The following RFX8 variants were observed in gnomAD, a reference collection of about 807,000 sequenced individuals.
RFX8 encodes the protein regulatory factor X8, also known as DNA-binding protein RFX8.
In RFX8, 46 loss-of-function variants were observed where a neutral mutation model predicts 54.6. That is an observed-to-expected ratio of 0.84 (90% CI 0.67 to 1.08). RFX8 has a LOEUF of 1.08. Ranked by LOEUF, RFX8 falls within the 50% of genes least tolerant of loss-of-function variation. The pLI is 0.00. For missense variants in RFX8, 536 were observed against 562.3 expected, an observed-to-expected ratio of 0.95 and a Z score of 0.47; for synonymous variants, 192 against 209.5, an observed-to-expected ratio of 0.92 and a Z score of 0.72.
At chr2:101,464,402 C>T (rs1689459701) in intron 2 of RFX8, among the ~76,000 whole-genome samples, 1 of 152,160 alleles carries the variant, frequency 6.6e-6, no homozygotes, top group African/African-American at 2.4e-5. Flanking sequence ...CATCACATGC[C>T]CAGTACCGCC....
chr2:101,458,047 G>A (rs7601191), intron 2 of RFX8, among the ~76,000 whole-genome samples: 52,457 of 151,172 alleles, frequency 0.35, 9,728 homozygotes, highest in African/African-American at 0.45. Context: ...CTTTTTTTTC[G>A]CTTTGCATTT....
At chr2:101,398,278 T>C (rs1685236590) in intron 11 of RFX8, among the ~76,000 whole-genome samples, 1 of 152,170 alleles carries the variant, frequency 6.6e-6, no homozygotes, top group African/African-American at 2.4e-5. Context: ...ATGGGCTCTC[T>C]TTAGGGAAAG....
chr2:101,444,603 C>T (rs998990645), intron 2 of RFX8, among the ~76,000 whole-genome samples: 6 of 152,086 alleles, frequency 3.9e-5, no homozygotes, highest in Non-Finnish European at 7.4e-5. Context: ...TAAAAATGCT[C>T]CAACAAATAA....
At chr2:101,435,829 A>AT (rs544041542) in intron 2 of RFX8, among the ~76,000 whole-genome samples, 13 of 62,038 alleles carry the variant, frequency 2.1e-4, no homozygotes, top group African/African-American at 5.0e-4. Flanking sequence ...GGTCATTTTC[A>AT]TTTAAAAAAA....
chr2:101,470,575 A>G (rs1489238908), intron 1 of RFX8, among the ~76,000 whole-genome samples: 2 of 152,180 alleles, frequency 1.3e-5, no homozygotes, highest in Non-Finnish European at 2.9e-5. Flanking sequence ...TGGTCTTGCC[A>G]TCAGACAAGG....
chr2:101,436,055 C>A (rs1687766143), intron 2 of RFX8, among the ~76,000 whole-genome samples: 1 of 152,258 alleles, frequency 6.6e-6, no homozygotes, highest in Admixed American at 6.5e-5. Flanking sequence ...GACCCCCCTG[C>A]TGCATCTGTG....
At chr2:101,419,508 C>T (rs896756371) in intron 4 of RFX8, among the ~76,000 whole-genome samples, 1 of 152,224 alleles carries the variant, frequency 6.6e-6, no homozygotes, top group African/African-American at 2.4e-5. Flanking sequence ...ATCAAAATGG[C>T]GGCTCCTCTT....
chr2:101,450,681 C>A (rs907291359), intron 2 of RFX8: 2 of 1,457,426 alleles, frequency 1.4e-6, no homozygotes, highest in African/African-American at 1.4e-5. Flanking sequence ...ATAATGATAC[C>A]TGGAAAAATA....
chr2:101,453,377 C>G (rs1688805994), intron 2 of RFX8, among the ~76,000 whole-genome samples: 1 of 152,014 alleles, frequency 6.6e-6, no homozygotes, highest in Non-Finnish European at 1.5e-5. Flanking sequence ...GTGACTCATG[C>G]CTGTAATCCC....
rs1685309662 is a variant in RFX8, at chr2:101,399,525, T to G, written c.1246-1801A>C. Among the ~76,000 whole-genome samples, 4 of 152,266 alleles carry G rather than the reference T, an allele frequency of 2.6e-5. 1 individual carries two copies. In the South Asian group the frequency reaches 8.3e-4, roughly 32 times the overall value. ...ATTGTTTCCAACCATTAAATATAGG[T>G]CAAACCTCTTTGCAAGGAACTTCAG... is the stretch of plus-strand genomic sequence containing the variant. On this transcript the variant is annotated intron_variant, in intron 11 of 11. Transcript: ENST00000428343.
At chr2:101,433,319 G>A (rs546246643) in intron 2 of RFX8, among the ~76,000 whole-genome samples, 132 of 152,226 alleles carry the variant, frequency 8.7e-4, no homozygotes, top group African/African-American at 3.0e-3. Flanking sequence ...TTCCTTCTGG[G>A]CTTCATGCAG....
At chr2:101,440,407 A>G (rs1475506559) in intron 2 of RFX8, among the ~76,000 whole-genome samples, 17 of 152,182 alleles carry the variant, frequency 1.1e-4, no homozygotes. Context: ...CTTTCCTTTT[A>G]GGAGTCTATA....
At chr2:101,403,416 G>A (rs1685558728) in intron 10 of RFX8, among the ~76,000 whole-genome samples, 1 of 152,144 alleles carries the variant, frequency 6.6e-6, no homozygotes, top group Admixed American at 6.5e-5. Context: ...AAACAGAGGG[G>A]GAAATCTGGC....
At chr2:101,427,445 G>C (rs886827659) in intron 2 of RFX8, among the ~76,000 whole-genome samples, 1 of 152,154 alleles carries the variant, frequency 6.6e-6, no homozygotes, top group Non-Finnish European at 1.5e-5. Context: ...CGTGAGCCAA[G>C]GAATGGGAGG....
Position 101,461,262 on chromosome 2 carries a change from C to CA in RFX8, c.72+5514dup, listed in dbSNP as rs11350961. Among the ~76,000 whole-genome samples, 188 of 89,876 alleles carry CA rather than the reference C, an allele frequency of 2.1e-3. 3 individuals are homozygous for CA. Among genetic ancestry groups the CA allele is most frequent in the East Asian group, 7.0e-3 (21 of 2,998 alleles). 59.0% of individuals were successfully genotyped at this position (89,876 alleles called of 152,430 possible). ...CGGGCGACAGAGTGAGACTCCATCT[C>CA]AAAAAAAAAAAAAAAAAAAAGAAAG... On this transcript the variant is annotated intron_variant, in intron 2 of 11. Transcript: ENST00000428343.
intron 6 of RFX8, among the ~76,000 whole-genome samples, chr2:101,415,367 T>C (rs1035824763): frequency 6.6e-6 from 1 of 152,130 alleles, no homozygotes; most frequent in Non-Finnish European, 1.5e-5. Context: ...AAGCAGACCT[T>C]CCCCAGACAC....
intron 2 of RFX8, among the ~76,000 whole-genome samples, chr2:101,428,598 A>G (rs556305436): frequency 1.3e-5 from 2 of 152,372 alleles, no homozygotes; most frequent in East Asian, 1.9e-4. Flanking sequence ...GATGTCATAC[A>G]TTAGTTATTC....
intron 2 of RFX8, among the ~76,000 whole-genome samples, chr2:101,459,179 TTTG>T (rs1689136217): frequency 6.6e-6 from 1 of 152,174 alleles, no homozygotes. Context: ...CTTGGAGAAG[TTTG>T]TTATTACCGA....
At chr2:101,427,071 C>T (rs934192010) in intron 2 of RFX8, among the ~76,000 whole-genome samples, 7 of 152,170 alleles carry the variant, frequency 4.6e-5, no homozygotes, top group East Asian at 1.9e-4. Flanking sequence ...CATCACCTCC[C>T]GGCTCCAATG....
Sources: allele counts gnomAD v4.1 joint callset (sites outside exome capture counted in the v4.1 genomes callset), GRCh38; gene constraint gnomAD v4.1.1; transcripts MANE v1.5; gene names NCBI Gene and HGNC (gene_info 2026-07-23, HGNC 2026-07-21).